The following TNKS variants were observed in gnomAD, a reference collection of about 807,000 sequenced individuals.
TNKS encodes the protein tankyrase, also known as poly [ADP-ribose] polymerase tankyrase-1.
In TNKS, 72 loss-of-function variants were observed where a neutral mutation model predicts 135.8. The ratio of observed to expected loss-of-function variants is 0.53; its 90% CI spans 0.44 to 0.64. TNKS has a LOEUF of 0.64. TNKS is among the 30% of genes least tolerant of loss of function. The pLI is 0.00. For missense variants in TNKS, 1,769 were observed against 1,674.0 expected, an observed-to-expected ratio of 1.06 and a Z score of -0.99; for synonymous variants, 849 against 649.3, an observed-to-expected ratio of 1.31 and a Z score of -4.68.
intron 2 of TNKS, among the ~76,000 whole-genome samples, chr8:9,582,373 A>G (rs1013447911): frequency 6.6e-6 from 1 of 152,136 alleles, no homozygotes; most frequent in African/African-American, 2.4e-5. Context: ...AGAGATTAGT[A>G]TACAAAATTG....
rs866801597 is a variant in TNKS, at chr8:9,674,511, A to G, written c.995-5440A>G. On this transcript the variant is annotated intron_variant, in intron 3 of 26. Coordinates refer to ENST00000310430, the MANE Select transcript of TNKS (RefSeq NM_003747.3). ...CTTATATGCTCATTAAAAACACTGC[A>G]AAGTTTCGTGGTCCAATAGAAGTTT... Among the ~76,000 whole-genome samples the G allele has an allele frequency of 1.1e-4, 17 of 152,318 alleles. 1 individual carries two copies. In the Middle Eastern group the frequency reaches 0.017, roughly 152 times the overall value.
chr8:9,733,009 GA>G lies in TNKS; in HGVS notation c.2148-267del, dbSNP rs773275144. Among the ~76,000 whole-genome samples the G allele has an allele frequency of 5.9e-5, 9 of 152,152 alleles. No homozygotes were observed. In the East Asian group the frequency reaches 9.6e-4, roughly 16 times the overall value. Reference sequence around the variant, plus strand: ...AAGTAAGCATACAATTTTCATTAGCGAAACTCATAAAGATAAGGATTGCTGT... The same window carrying G: ...AAGTAAGCATACAATTTTCATTAGCGAACTCATAAAGATAAGGATTGCTGT... On this transcript the variant is annotated intron_variant, in intron 14 of 26. Coordinates refer to ENST00000310430, the MANE Select transcript of TNKS (RefSeq NM_003747.3).
Position 9,670,387 on chromosome 8 carries a change from C to A in TNKS, c.995-9564C>A, listed in dbSNP as rs570996827. Reference sequence around the variant, plus strand: ...ATCTTAAAATTATCTTATTGGGAAACCATTCGCCTGTATGTAGAGGGCATG... The same window carrying A: ...ATCTTAAAATTATCTTATTGGGAAAACATTCGCCTGTATGTAGAGGGCATG... On this transcript the variant is annotated intron_variant, in intron 3 of 26. Transcript: ENST00000310430. Among the ~76,000 whole-genome samples, 8 of 152,190 alleles carry A rather than the reference C, an allele frequency of 5.3e-5. No homozygotes were observed. In the East Asian group the frequency reaches 1.4e-3, roughly 26 times the overall value.
intron 2 of TNKS, among the ~76,000 whole-genome samples, chr8:9,612,548 A>T (rs1563116583): frequency 6.6e-6 from 1 of 152,032 alleles, no homozygotes; most frequent in Non-Finnish European, 1.5e-5. Flanking sequence ...TTGTTTATAT[A>T]TTTTTAATGG....
chr8:9,769,821 C>T (rs564341691), intron 25 of TNKS, among the ~76,000 whole-genome samples: 2 of 151,818 alleles, frequency 1.3e-5, no homozygotes, highest in South Asian at 4.2e-4. Flanking sequence ...AGGTTTTTAC[C>T]GTGTTAGCCA....
At chr8:9,618,190 C>G (rs1585237169) in intron 3 of TNKS, among the ~76,000 whole-genome samples, 1 of 151,990 alleles carries the variant, frequency 6.6e-6, no homozygotes, top group African/African-American at 2.4e-5. Context: ...TTTCACCATG[C>G]TGGCCAGGCT....
At chr8:9,694,396 A>G (rs1378541108) in intron 5 of TNKS, among the ~76,000 whole-genome samples, 2 of 152,150 alleles carry the variant, frequency 1.3e-5, no homozygotes, top group Non-Finnish European at 2.9e-5. Flanking sequence ...GTAAATAACT[A>G]TTATTTTGGA....
chr8:9,598,196 C>A (rs113464439), intron 2 of TNKS, among the ~76,000 whole-genome samples: 10,941 of 152,090 alleles, frequency 0.072, 1,330 homozygotes, highest in African/African-American at 0.25. Context: ...CAGGTGCCTG[C>A]CACCATGCCC....
chr8:9,714,196 G>C (rs1804477945), intron 11 of TNKS, among the ~76,000 whole-genome samples: 1 of 152,124 alleles, frequency 6.6e-6, no homozygotes. Flanking sequence ...TAAACTAAAT[G>C]TACGCCATAT....
chr8:9,568,359 C>G (rs1265485407), intron 1 of TNKS, among the ~76,000 whole-genome samples: 2 of 152,104 alleles, frequency 1.3e-5, no homozygotes, highest in Non-Finnish European at 2.9e-5. Flanking sequence ...CTTAAGAAAG[C>G]TTATAGTAAA....
At chr8:9,707,533 A>G (rs999890419) in intron 8 of TNKS, among the ~76,000 whole-genome samples, 13 of 152,198 alleles carry the variant, frequency 8.5e-5, no homozygotes, top group African/African-American at 3.1e-4. Flanking sequence ...TTATGACCCA[A>G]GTATAATCAC....
At position 9,556,065 on chromosome 8, in the gene TNKS, G is replaced by A. The variant is rs1815273260; in HGVS notation, c.126G>A (p.Gly42=). Residue 42 remains glycine (G), a synonymous_variant, in exon 1 of 27, where the codon GGG becomes GGA. Transcript: ENST00000310430. The part of the protein sequence containing the change: ...PPPLSPGLAP[G]TTPASPTASG... ...CACTCAGCCCTGGCCTGGCCCCGGGGACCACCCCAGCCTCTCCCACGGCCA... is the reference window on the plus strand; with the variant it reads ...CACTCAGCCCTGGCCTGGCCCCGGGAACCACCCCAGCCTCTCCCACGGCCA... 2 of 1,607,868 alleles carry A rather than the reference G, an allele frequency of 1.2e-6. No homozygotes were observed. The highest frequency in any genetic ancestry group is 1.1e-5 in the South Asian group (1 of 90,686).
chr8:9,758,875 C>A (rs1418614690), intron 20 of TNKS, among the ~76,000 whole-genome samples: 2 of 152,160 alleles, frequency 1.3e-5, no homozygotes, highest in Non-Finnish European at 2.9e-5. Context: ...TAGTTGTGTC[C>A]TTTGCTTCAC....
chr8:9,717,185 A>G (rs1267900538), intron 11 of TNKS, among the ~76,000 whole-genome samples: 5 of 148,570 alleles, frequency 3.4e-5, no homozygotes, highest in Non-Finnish European at 7.4e-5. Flanking sequence ...GCAAATAGAA[A>G]TCCAGTTCCG....
chr8:9,747,979 G>A, intron 17 of TNKS, 45 bp from the exon 18 acceptor site: 1 of 1,541,520 alleles, frequency 6.5e-7, no homozygotes, highest in Non-Finnish European at 8.8e-7. Flanking sequence ...TGCTTTACCA[G>A]ATGATCTCAT....
intron 17 of TNKS, among the ~76,000 whole-genome samples, chr8:9,744,584 G>T (rs950575712): frequency 2.6e-5 from 4 of 152,098 alleles, no homozygotes; most frequent in African/African-American, 7.2e-5. Context: ...AGGTTAAATT[G>T]TCTGTTTCTC....
In TNKS at chr8:9,763,196, G is replaced by C; in HGVS notation, c.3324G>C (p.Leu1108Phe). 9 of 1,606,366 alleles carry C rather than the reference G, an allele frequency of 5.6e-6. No homozygotes were observed. The highest frequency in any genetic ancestry group is 6.8e-6 in the Non-Finnish European group (8 of 1,175,984). ...TFHCVNQGTI[L>F]LDLAPEDKEY... ...ACTGTGTTAATCAGGGAACGATTTT[G>C]CTGGATCTTGCTCCAGAAGATAAAG... The change falls in exon 22 of 27, where the codon TTG becomes TTC. Residue 1108 changes from leucine to phenylalanine, a missense_variant. This residue lies in a region of TNKS where 722 missense variants were observed against 688.9 expected (regional missense o/e 1.05). Coordinates refer to ENST00000310430, the MANE Select transcript of TNKS (RefSeq NM_003747.3).
intron 5 of TNKS, among the ~76,000 whole-genome samples, chr8:9,693,007 T>C (rs974413517): frequency 6.6e-6 from 1 of 152,230 alleles, no homozygotes; most frequent in African/African-American, 2.4e-5. Flanking sequence ...TCTTAGCAGA[T>C]TAATCATGTC....
intron 1 of TNKS, chr8:9,566,643 C>T (rs1456398803): frequency 1.4e-5 from 2 of 145,470 alleles, no homozygotes; most frequent in African/African-American, 5.1e-5. Context: ...GCTCTGTCGC[C>T]CAGGCCGGAC....
Sources: gnomAD v4.1 joint callset for allele counts (sites outside exome capture counted in the v4.1 genomes callset) on GRCh38, gnomAD v4.1.1 for gene constraint, gnomAD v4.1.1 regional missense constraint, MANE v1.5 for transcripts, NCBI Gene and HGNC (gene_info 2026-07-23, HGNC 2026-07-21) for gene names.